The following SORL1 variants were observed in gnomAD, a reference collection of about 807,000 sequenced individuals.
SORL1 encodes sortilin related receptor 1, also known as sortilin-related receptor.
A neutral mutation model predicts 273.7 loss-of-function variants in SORL1; 127 were observed. The observed-to-expected ratio is 0.46, with a 90% CI of 0.40 to 0.54. The LOEUF (loss-of-function observed/expected upper bound fraction) is 0.54. Ranked by LOEUF, SORL1 falls within the 20% of genes least tolerant of loss-of-function variation. The pLI, the probability that SORL1 is intolerant of heterozygous loss-of-function variation, is 0.00. For synonymous variants in SORL1, 1,031 were observed against 1,067.4 expected (o/e 0.97, Z 0.66); for missense variants, 2,494 against 2,846.1 (o/e 0.88, Z 2.81).
intron 26 of SORL1, among the ~76,000 whole-genome samples, chr11:121,584,597 C>CTT (rs61438769): frequency 4.1e-5 from 6 of 145,058 alleles, no homozygotes; most frequent in African/African-American, 1.5e-4. Context: ...AAGTGATTTT[C>CTT]TTTTTTTTTT....
intron 6 of SORL1, among the ~76,000 whole-genome samples, chr11:121,502,727 A>G (rs1452546078): frequency 1.3e-5 from 2 of 151,982 alleles, no homozygotes; most frequent in African/African-American, 4.8e-5. Context: ...CCGTTTTTAA[A>G]TTGGGTTCTT....
chr11:121,590,354 C>A (rs1238705947), intron 30 of SORL1, 180 bp downstream of exon 30: 2 of 603,080 alleles, frequency 3.3e-6, no homozygotes. Context: ...GTTGGTTTCT[C>A]CTATTTTCAG....
chr11:121,585,963 T>A (rs1863099103), intron 26 of SORL1, among the ~76,000 whole-genome samples: 1 of 152,252 alleles, frequency 6.6e-6, no homozygotes, highest in South Asian at 2.1e-4. Context: ...CAAACAGTGT[T>A]GTAATGCAAC....
intron 23 of SORL1, among the ~76,000 whole-genome samples, chr11:121,571,916 G>A (rs557046262): frequency 2.6e-4 from 39 of 152,208 alleles, no homozygotes; most frequent in Non-Finnish European, 4.9e-4. Flanking sequence ...CTTTATCAGA[G>A]TTGCAGGAAG....
At chr11:121,484,398 A>T (rs1204510329) in intron 3 of SORL1, among the ~76,000 whole-genome samples, 1 of 152,168 alleles carries the variant, frequency 6.6e-6, no homozygotes, top group Non-Finnish European at 1.5e-5. Flanking sequence ...TCTAGTGAAG[A>T]CGTGGGCCAT....
intron 8 of SORL1, among the ~76,000 whole-genome samples, chr11:121,518,904 T>C (rs573003948): frequency 2.6e-5 from 4 of 152,164 alleles, no homozygotes; most frequent in South Asian, 2.1e-4. Flanking sequence ...AGCCGGTGGC[T>C]TAGAACCCCT....
chr11:121,617,524 C>T (rs1034670932), intron 41 of SORL1, among the ~76,000 whole-genome samples: 25 of 150,840 alleles, frequency 1.7e-4, no homozygotes, highest in Admixed American at 1.5e-3. Context: ...CTCACAGCTG[C>T]TGAGCAGTGC....
chr11:121,467,270 C>T (rs781712835), intron 1 of SORL1, among the ~76,000 whole-genome samples: 1 of 152,086 alleles, frequency 6.6e-6, no homozygotes, highest in Non-Finnish European at 1.5e-5. Flanking sequence ...TAGAAAAGCC[C>T]TTGGATGTTT....
intron 32 of SORL1, among the ~76,000 whole-genome samples, chr11:121,601,833 C>T (rs903660919): frequency 6.6e-6 from 1 of 152,132 alleles, no homozygotes; most frequent in African/African-American, 2.4e-5. Context: ...TATATTTGAC[C>T]ACATTGTTAC....
chr11:121,600,508 A>G (rs1344317720), intron 32 of SORL1, among the ~76,000 whole-genome samples: 1 of 152,206 alleles, frequency 6.6e-6, no homozygotes, highest in African/African-American at 2.4e-5. Flanking sequence ...CAACCACATA[A>G]TAAGATGAAC....
Position 121,627,532 on chromosome 11 carries a change from T to G in SORL1, c.6365-23T>G, listed in dbSNP as rs200317202. ...TTCTCCTGCCCTCAGGTGGGCTTATTGGTGGGAACTTTGCCTTGGCAGGTG... is the reference window on the plus strand; with the variant it reads ...TTCTCCTGCCCTCAGGTGGGCTTATGGGTGGGAACTTTGCCTTGGCAGGTG... On this transcript the variant is annotated intron_variant, in intron 46 of 47. Transcript: ENST00000260197. The surrounding 1 kb of genome is among the most constrained non-coding windows in gnomAD (Gnocchi z 4.9). 2.0e-5 allele frequency: 32 copies of G among 1,607,712 alleles called. No individual in the cohort carries two copies. In the East Asian group the frequency reaches 6.9e-4, roughly 35 times the overall value.
At chr11:121,616,317 G>A (rs1382745260) in intron 41 of SORL1, among the ~76,000 whole-genome samples, 1 of 152,140 alleles carries the variant, frequency 6.6e-6, no homozygotes, top group African/African-American at 2.4e-5. Flanking sequence ...AGGTGAGAGC[G>A]CAAATGAGAT....
chr11:121,613,235 C>T (rs1177811272), intron 40 of SORL1, among the ~76,000 whole-genome samples: 3 of 152,192 alleles, frequency 2.0e-5, no homozygotes. Context: ...AGGCCTTATG[C>T]ATAACTGGTG....
At chr11:121,568,141 C>T (rs1055105982) in intron 22 of SORL1, among the ~76,000 whole-genome samples, 4 of 152,212 alleles carry the variant, frequency 2.6e-5, no homozygotes, top group African/African-American at 9.7e-5. Context: ...CCCTCCTCTG[C>T]CTCCCAAGGA....
intron 13 of SORL1, among the ~76,000 whole-genome samples, chr11:121,544,046 C>T (rs755116512): frequency 8.5e-5 from 13 of 152,054 alleles, no homozygotes; most frequent in Non-Finnish European, 1.2e-4. Context: ...GCCAATTGGA[C>T]GTATTCAGTG....
intron 25 of SORL1, 106 bp downstream of exon 25, chr11:121,577,506 C>T: frequency 1.6e-6 from 2 of 1,249,442 alleles, no homozygotes; most frequent in Non-Finnish European, 2.1e-6. Context: ...TTAGCTTGGA[C>T]CTTAGAAATC....
intron 1 of SORL1, among the ~76,000 whole-genome samples, chr11:121,462,152 A>C (rs537525806): frequency 6.6e-5 from 10 of 152,278 alleles, no homozygotes; most frequent in African/African-American, 2.2e-4. Context: ...ATCCTAAGTA[A>C]TCTAGTGAAA....
At chr11:121,528,123 G>GT (rs1372842109) in intron 11 of SORL1, among the ~76,000 whole-genome samples, 1 of 152,050 alleles carries the variant, frequency 6.6e-6, no homozygotes, top group Non-Finnish European at 1.5e-5. Context: ...CACATATTTA[G>GT]ATATGTTTTT....
chr11:121,568,886 G>T (rs968474122), intron 22 of SORL1, among the ~76,000 whole-genome samples: 9 of 152,128 alleles, frequency 5.9e-5, no homozygotes, highest in African/African-American at 2.2e-4. Flanking sequence ...GCTAGTATGG[G>T]ACATTTCCTT....
Sources: gnomAD v4.1 joint callset for allele counts (sites outside exome capture counted in the v4.1 genomes callset) on GRCh38, gnomAD v4.1.1 for gene constraint, Gnocchi (gnomAD v3.1) non-coding constraint, MANE v1.5 for transcripts, NCBI Gene and HGNC (gene_info 2026-07-23, HGNC 2026-07-21) for gene names.